RGPD8: variants seen among roughly 807,000 people sequenced by gnomAD.
The protein encoded by RGPD8 is RANBP2-like and GRIP domain-containing protein 8.
In RGPD8, 15 loss-of-function variants were observed where a neutral mutation model predicts 89.1. The observed-to-expected ratio is 0.17, with a 90% CI of 0.11 to 0.26. The LOEUF is 0.26. Among genes scored for constraint, RGPD8 ranks in the 10% least tolerant of loss-of-function variants. The pLI is 1.00. For missense variants in RGPD8, 178 were observed against 1,179.6 expected (o/e 0.15, Z 12.44); for synonymous variants, 62 against 420.9 (o/e 0.15, Z 10.44).
chr2:112,425,813 G>C (rs1679747033), intron 1 of RGPD8, among the ~76,000 whole-genome samples: 2 of 149,760 alleles, frequency 1.3e-5, no homozygotes, highest in Admixed American at 6.6e-5. Context: ...CCATGTGATA[G>C]AGTATACAGC....
At chr2:112,426,310 T>C (rs1198252280) in intron 1 of RGPD8, among the ~76,000 whole-genome samples, 2 of 152,042 alleles carry the variant, frequency 1.3e-5, no homozygotes, top group African/African-American at 4.8e-5. Context: ...AGTATGTAAC[T>C]AGCGGGTGGG....
At chr2:112,429,801 T>C (rs1392140150) in intron 1 of RGPD8, among the ~76,000 whole-genome samples, 1 of 152,148 alleles carries the variant, frequency 6.6e-6, no homozygotes, top group Non-Finnish European at 1.5e-5. Context: ...GAAAGAATTA[T>C]ATTTTTTTCC....
chr2:112,408,524 AAAC>A (rs1426192322), intron 7 of RGPD8, among the ~76,000 whole-genome samples: 1 of 142,936 alleles, frequency 7.0e-6, no homozygotes, highest in African/African-American at 2.6e-5. Context: ...ACAAAGTAAG[AAAC>A]AAAATGTTGA....
chr2:112,427,560 G>A (rs1387340609), intron 1 of RGPD8, among the ~76,000 whole-genome samples: 1 of 151,564 alleles, frequency 6.6e-6, no homozygotes, highest in Non-Finnish European at 1.5e-5. Context: ...CCACATCATC[G>A]CTATCTTGCA....
intron 22 of RGPD8, among the ~76,000 whole-genome samples, chr2:112,370,759 T>C (rs1279947428): frequency 7.1e-6 from 1 of 140,214 alleles, no homozygotes; most frequent in Non-Finnish European, 1.5e-5. Flanking sequence ...AACAGCTAAT[T>C]TTCTATTTTA....
chr2:112,372,171 TG>T (rs1677983440), intron 22 of RGPD8, among the ~76,000 whole-genome samples: 1 of 17,028 alleles, frequency 5.9e-5, no homozygotes, highest in Admixed American at 6.8e-4. Flanking sequence ...GCTGCTAAAC[TG>T]ATGGCCTGTG....
intron 7 of RGPD8, among the ~76,000 whole-genome samples, chr2:112,410,734 C>T (rs1376984617): frequency 2.6e-5 from 4 of 151,100 alleles, no homozygotes; most frequent in African/African-American, 7.4e-5. Flanking sequence ...GCTGAGATTG[C>T]ACCACTGCAC....
At chr2:112,415,246 G>A (rs528215621) in intron 6 of RGPD8, among the ~76,000 whole-genome samples, 9 of 152,404 alleles carry the variant, frequency 5.9e-5, no homozygotes, top group East Asian at 5.8e-4. Flanking sequence ...TTAGCCGAGC[G>A]TGGTGGTGGG....
chr2:112,433,121 ATCGAGGCCGCCGCCGGGCCGGG>A (rs1360944084), intron 1 of RGPD8, among the ~76,000 whole-genome samples: 5 of 90,060 alleles, frequency 5.6e-5, no homozygotes, highest in African/African-American at 1.5e-4. Flanking sequence ...CCCCTGACCC[ATCGAGGCCGCCGCCGGGCCGGG>A]TCGAGGCCGC....
intron 6 of RGPD8, among the ~76,000 whole-genome samples, chr2:112,415,989 C>T (rs1574015968): frequency 6.6e-6 from 1 of 151,902 alleles, no homozygotes; most frequent in African/African-American, 2.4e-5. Context: ...ACTTGGGAGG[C>T]TGAGGCAGGA....
rs1193332221 is a variant in RGPD8 at position 112,377,313 on chromosome 2, C to T, written c.5263+740G>A. Among the ~76,000 whole-genome samples the T allele has an allele frequency of 2.1e-5, 2 of 94,534 alleles. 1 individual carries two copies. The highest frequency in any genetic ancestry group is 2.3e-4 in the Admixed American group (2 of 8,822). The allele number at this position is 94,534 out of a possible 152,430, so 62.0% of individuals were successfully genotyped here. ...TTTTTTTTTTTTTGAGATGGAGTCT[C>T]GCTCTGCCGTCAGGCTGGAGTACAG... On this transcript the variant is annotated intron_variant, in intron 22 of 22. Transcript: ENST00000302558.
intron 6 of RGPD8, among the ~76,000 whole-genome samples, chr2:112,416,264 T>G (rs1457382668): frequency 2.0e-5 from 3 of 152,230 alleles, no homozygotes; most frequent in Non-Finnish European, 2.9e-5. Context: ...GTTATGTTAG[T>G]TCTTTTAGAT....
chr2:112,426,743 A>G (rs1291871545), intron 1 of RGPD8, among the ~76,000 whole-genome samples: 1 of 152,092 alleles, frequency 6.6e-6, no homozygotes, highest in Non-Finnish European at 1.5e-5. Context: ...GTCTCAAAAA[A>G]AAAAAGAACT....
chr2:112,430,248 G>C (rs978581409), intron 1 of RGPD8, among the ~76,000 whole-genome samples: 2 of 152,072 alleles, frequency 1.3e-5, no homozygotes, highest in African/African-American at 4.8e-5. Flanking sequence ...TGCCAAACTG[G>C]GGGAGAATAC....
intron 6 of RGPD8, among the ~76,000 whole-genome samples, chr2:112,415,160 G>A (rs1679337087): frequency 6.6e-6 from 1 of 151,376 alleles, no homozygotes; most frequent in South Asian, 2.1e-4. Context: ...GAGGAGGGCA[G>A]ATCACGAGGT....
At position 112,422,321 on chromosome 2, in the gene RGPD8, T is replaced by C. The variant is rs981564615; in HGVS notation, c.253-209A>G. ...TCAAATAAAAATTATATTTGTGTCA[T>C]TTGAATGCAAAAAACACAAAAGAAC... On this transcript the variant is annotated intron_variant, in intron 3 of 22. Transcript: ENST00000302558. Among the ~76,000 whole-genome samples the C allele has an allele frequency of 1.7e-4, 25 of 147,340 alleles. 1 individual carries two copies. Among genetic ancestry groups the C allele is most frequent in the Admixed American group, 1.4e-4 (2 of 14,680 alleles).
Position 112,374,858 on chromosome 2 carries a change from C to CTTTT in RGPD8, c.5263+3191_5263+3194dup, listed in dbSNP as rs780008775. 8.0e-3 allele frequency among the ~76,000 whole-genome samples: 827 copies of CTTTT among 102,804 alleles called. 6 individuals carry two copies. Among genetic ancestry groups the CTTTT allele is most frequent in the African/African-American group, 0.022 (539 of 25,028 alleles). 67.4% of individuals were successfully genotyped at this position (102,804 alleles called of 152,430 possible). ...TTTGAACCATCTTGTAGTTTACATT[C>CTTTT]TTTTTTTTTTTTTTTTTTTTGAGAT... On this transcript the variant is annotated intron_variant, in intron 22 of 22. Coordinates refer to ENST00000302558, the MANE Select transcript of RGPD8 (RefSeq NM_001164463.1).
At chr2:112,431,252 C>T (rs977967884) in intron 1 of RGPD8, among the ~76,000 whole-genome samples, 6 of 151,874 alleles carry the variant, frequency 4.0e-5, no homozygotes. Flanking sequence ...TGAGACCCCA[C>T]CTCAAAAAAA....
At chr2:112,374,858 C>CTTT (rs780008775) in intron 22 of RGPD8, among the ~76,000 whole-genome samples, 7,775 of 92,392 alleles carry the variant, frequency 0.084, 6 homozygotes, top group East Asian at 0.1. Flanking sequence ...AGTTTACATT[C>CTTT]TTTTTTTTTT....
Sources: gnomAD v4.1 joint callset for allele counts (sites outside exome capture counted in the v4.1 genomes callset) on GRCh38, gnomAD v4.1.1 for gene constraint, MANE v1.5 for transcripts, NCBI Gene and HGNC (gene_info 2026-07-23, HGNC 2026-07-21) for gene names.